The following AKAP6 variants were observed in gnomAD, a reference collection of about 807,000 sequenced individuals.
AKAP6 encodes A-kinase anchor protein 6.
Under a neutral mutation model 188.5 loss-of-function variants are expected in AKAP6, and 58 were observed. The ratio of observed to expected loss-of-function variants is 0.31; its 90% CI spans 0.25 to 0.38. The LOEUF is 0.38. Ranked by LOEUF, AKAP6 falls within the 10% of genes least tolerant of loss-of-function variation. The pLI is 1.00. For synonymous variants in AKAP6, 989 were observed against 998.6 expected (o/e 0.99, Z 0.18); for missense variants, 2,710 against 2,740.0 (o/e 0.99, Z 0.24).
chr14:32,422,636 A>G (rs1464474467), intron 1 of AKAP6, among the ~76,000 whole-genome samples: 1 of 152,174 alleles, frequency 6.6e-6, no homozygotes, highest in Non-Finnish European at 1.5e-5. Flanking sequence ...GGTTGCCCAA[A>G]GCCTCAACCC....
At chr14:32,357,680 G>A (rs752513946) in intron 1 of AKAP6, among the ~76,000 whole-genome samples, 2 of 152,144 alleles carry the variant, frequency 1.3e-5, no homozygotes, top group Admixed American at 6.5e-5. Flanking sequence ...AGAAAAAGAC[G>A]TTCCTTTCTC....
At chr14:32,509,522 T>C (rs6571531) in intron 2 of AKAP6, among the ~76,000 whole-genome samples, 121,112 of 152,046 alleles carry the variant, frequency 0.8, 48,937 homozygotes, top group African/African-American at 0.91. Context: ...CACATTATTT[T>C]TATGGCAAAA....
chr14:32,641,835 C>T (rs912374639), intron 7 of AKAP6, among the ~76,000 whole-genome samples: 6 of 151,898 alleles, frequency 4.0e-5, no homozygotes, highest in Non-Finnish European at 7.4e-5. Context: ...GAGGGGAACA[C>T]GTTTTTAGGG....
At chr14:32,805,154 G>A (rs1190446869) in intron 12 of AKAP6, among the ~76,000 whole-genome samples, 6 of 152,162 alleles carry the variant, frequency 3.9e-5, no homozygotes, top group African/African-American at 1.4e-4. Flanking sequence ...GAAGTTATAA[G>A]AGTATTATTT....
chr14:32,530,768 C>T (rs1455127889), intron 2 of AKAP6, among the ~76,000 whole-genome samples: 3 of 151,972 alleles, frequency 2.0e-5, no homozygotes, highest in African/African-American at 7.3e-5. Flanking sequence ...ATATGAGTTA[C>T]CTTAACATCC....
chr14:32,781,840 A>G (rs2033259725), intron 12 of AKAP6, among the ~76,000 whole-genome samples: 1 of 152,146 alleles, frequency 6.6e-6, no homozygotes, highest in Non-Finnish European at 1.5e-5. Flanking sequence ...AAAATCCAAT[A>G]TCCTTCCTGA....
chr14:32,333,683 G>T (rs1269311272), intron 1 of AKAP6, among the ~76,000 whole-genome samples: 1 of 151,832 alleles, frequency 6.6e-6, no homozygotes, highest in Non-Finnish European at 1.5e-5. Context: ...GAATCTTTCT[G>T]GATGTGGACA....
chr14:32,430,530 C>T (rs1295418468), intron 1 of AKAP6, among the ~76,000 whole-genome samples: 1 of 152,072 alleles, frequency 6.6e-6, no homozygotes, highest in Non-Finnish European at 1.5e-5. Flanking sequence ...TTCAGTTGTG[C>T]AGGGCTTTGG....
intron 7 of AKAP6, among the ~76,000 whole-genome samples, chr14:32,610,202 T>A (rs987884123): frequency 3.4e-4 from 51 of 152,134 alleles, no homozygotes; most frequent in African/African-American, 1.2e-3. Flanking sequence ...ACGGAGTAGA[T>A]AATCATTGAG....
At chr14:32,740,547 G>A (rs935530794) in intron 11 of AKAP6, among the ~76,000 whole-genome samples, 12 of 152,026 alleles carry the variant, frequency 7.9e-5, no homozygotes, top group African/African-American at 2.7e-4. Context: ...TTTGATTTTT[G>A]TATATGGTGA....
At position 32,353,509 on chromosome 14, in the gene AKAP6, C is replaced by T. The variant is rs140103605; in HGVS notation, c.-35+24101C>T. Among the ~76,000 whole-genome samples the T allele has an allele frequency of 8.9e-4, 136 of 152,170 alleles. 1 individual carries two copies. In the South Asian group the frequency reaches 9.2e-3, roughly 10 times the overall value. ...CCGGGCGGTAGAGGTTGCAGTGAGCCGAGATCGTGCCACTGCACTCTAGCC... is the reference window on the plus strand; with the variant it reads ...CCGGGCGGTAGAGGTTGCAGTGAGCTGAGATCGTGCCACTGCACTCTAGCC... On this transcript the variant is annotated intron_variant, in intron 1 of 13. Coordinates refer to ENST00000280979, the MANE Select transcript of AKAP6 (RefSeq NM_004274.5).
chr14:32,639,141 T>C (rs1887650332), intron 7 of AKAP6, among the ~76,000 whole-genome samples: 1 of 152,138 alleles, frequency 6.6e-6, no homozygotes, highest in Admixed American at 6.6e-5. Flanking sequence ...CACACTAATG[T>C]TATGACCCAT....
At position 32,822,011 on chromosome 14, in the gene AKAP6, C is replaced by T. The variant is rs61754294; in HGVS notation, c.4198C>T (p.Pro1400Ser). The change falls in exon 13 of 14, where the codon CCA (proline) becomes TCA (serine). Residue 1400 changes from proline (P) to serine (S), a missense_variant. By Grantham distance (74) the Pro-to-Ser change is moderately conservative (BLOSUM62 -1). Transcript: ENST00000280979. ...PSNLETEHLD[P>S]QMGDAVNVLK... ...TAACCTTGAAACTGAACATCTGGAC[C>T]CACAAATGGGAGATGCAGTTAACGT... The T allele has an allele frequency of 6.2e-7, 1 of 1,613,794 alleles. No homozygotes were observed. Among genetic ancestry groups the T allele is most frequent in the Non-Finnish European group, 8.5e-7 (1 of 1,179,928 alleles).
At chr14:32,737,982 G>A (rs2031506218) in intron 11 of AKAP6, among the ~76,000 whole-genome samples, 1 of 152,062 alleles carries the variant, frequency 6.6e-6, no homozygotes, top group Non-Finnish European at 1.5e-5. Flanking sequence ...GAGAAATATG[G>A]GATTAGACAC....
intron 12 of AKAP6, among the ~76,000 whole-genome samples, chr14:32,775,673 C>G (rs190698276): frequency 7.0e-4 from 106 of 152,226 alleles, no homozygotes; most frequent in South Asian, 4.1e-3. Flanking sequence ...TGGCGATCCT[C>G]CCACCTTGGC....
Position 32,454,964 on chromosome 14 carries a change from C to G in AKAP6, c.324+21147C>G, listed in dbSNP as rs529526816. ...TCTTCCTCTCTTCCTCTGTTTCTCC[C>G]TTTCTCCCTTTCTTCCTTTCATTCT... is the stretch of plus-strand genomic sequence containing the variant. On this transcript the variant is annotated intron_variant, in intron 2 of 13. Transcript: ENST00000280979. Among the ~76,000 whole-genome samples, 12 of 143,796 alleles carry G rather than the reference C, an allele frequency of 8.3e-5. No homozygotes were observed. The South Asian group carries it at 2.8e-3, about 34-fold the overall frequency. 94.3% of individuals were successfully genotyped at this position (143,796 alleles called of 152,430 possible).
At chr14:32,461,925 G>A (rs1191758004) in intron 2 of AKAP6, among the ~76,000 whole-genome samples, 3 of 151,750 alleles carry the variant, frequency 2.0e-5, no homozygotes, top group East Asian at 2.0e-4. Context: ...TGAGAACTTC[G>A]TGAAGCATAC....
At chr14:32,390,550 T>TGTA (rs1888677448) in intron 1 of AKAP6, among the ~76,000 whole-genome samples, 1 of 152,154 alleles carries the variant, frequency 6.6e-6, no homozygotes, top group Non-Finnish European at 1.5e-5. Context: ...GTTCCCTTGA[T>TGTA]GTAGTACTCT....
At chr14:32,466,665 C>A (rs113410424) in intron 2 of AKAP6, among the ~76,000 whole-genome samples, 15,239 of 147,736 alleles carry the variant, frequency 0.1, 1,056 homozygotes, top group Non-Finnish European at 0.15. Context: ...ATACATGCAG[C>A]AAACCACCAT....
Sources: gnomAD v4.1 joint callset for allele counts (sites outside exome capture counted in the v4.1 genomes callset) on GRCh38, gnomAD v4.1.1 for gene constraint, MANE v1.5 for transcripts, NCBI Gene and HGNC (gene_info 2026-07-23, HGNC 2026-07-21) for gene names.